The following KCNC4 variants were observed in gnomAD, a reference collection of about 807,000 sequenced individuals.
The protein encoded by KCNC4 is voltage-gated potassium channel KCNC4.
KCNC4 carries 23 observed loss-of-function variants against 42.8 expected under a neutral mutation model. The observed-to-expected ratio is 0.54, with a 90% CI of 0.39 to 0.76. The LOEUF (loss-of-function observed/expected upper bound fraction) is 0.76, where lower values mean the gene tolerates loss of function less well. KCNC4 is among the 30% of genes least tolerant of loss of function. The pLI, the probability that KCNC4 is intolerant of heterozygous loss-of-function variation, is 0.00. For synonymous variants in KCNC4, 422 were observed against 393.5 expected, an observed-to-expected ratio of 1.07 and a Z score of -0.86; for missense variants, 751 against 898.2, an observed-to-expected ratio of 0.84 and a Z score of 2.10.
rs1055410436 is a variant in KCNC4 at position 110,281,228 on chromosome 1, G to T, written n.31-1306G>T. 7.2e-5 allele frequency among the ~76,000 whole-genome samples: 11 copies of T among 152,132 alleles called. No individual in the cohort carries two copies. In the East Asian group the frequency reaches 1.9e-3, roughly 27 times the overall value. The stretch of plus-strand genomic sequence containing the variant: ...GGGAAGGGGGACTGAGAGGAGGGTG[G>T]TTTGCTGTGGGTTTCTCCTCCCAGA... On this transcript the variant is annotated intron_variant and non_coding_transcript_variant, in intron 1 of 2. Transcript: ENST00000412512.
rs2101024456 is a variant in KCNC4, at chr1:110,226,140, C to T, written c.1781C>T (p.Thr594Ile). The T allele has an allele frequency of 2.5e-6, 4 of 1,614,160 alleles. No individual in the cohort carries two copies. Among genetic ancestry groups the T allele is most frequent in the Middle Eastern group, 3.3e-4 (2 of 6,062 alleles). Residue 594 changes from threonine (T) to isoleucine (I), a missense_variant, in exon 3 of 4, where the codon ACT (threonine) becomes ATT (isoleucine). Around this residue, in one of 4 missense-constraint regions of KCNC4, gnomAD observed 202 missense variants for 181.5 expected, o/e 1.11. Coordinates refer to ENST00000438661, the MANE Select transcript of KCNC4 (RefSeq NM_001039574.3). ...GCAGCTGCCTGCTTCCTGCTCAGCACTGGGGACTATGCCTGCGCCGATGGT... is the reference window on the plus strand; with the variant it reads ...GCAGCTGCCTGCTTCCTGCTCAGCATTGGGGACTATGCCTGCGCCGATGGT... ...KKAAACFLLS[T>I]GDYACADGSV...
At chr1:110,274,771 C>T (rs4568835) in intron 1 of KCNC4, among the ~76,000 whole-genome samples, 1 of 151,990 alleles carries the variant, frequency 6.6e-6, no homozygotes, top group Non-Finnish European at 1.5e-5. Flanking sequence ...GGAAAGGATA[C>T]CCTTTTCAAT....
Position 110,211,946 on chromosome 1 carries a change from G to C in KCNC4, c.447G>C (p.Arg149=). The C allele has an allele frequency of 6.2e-7, 1 of 1,611,344 alleles. No homozygotes were observed. The highest frequency in any genetic ancestry group is 8.5e-7 in the Non-Finnish European group (1 of 1,179,746). Residue 149 remains arginine (R), a synonymous_variant, in exon 1 of 4, where the codon CGG becomes CGC. Coordinates refer to ENST00000438661, the MANE Select transcript of KCNC4 (RefSeq NM_001039574.3). This position sits in a 1 kb window ranked among gnomAD's most constrained non-coding sequence, Gnocchi z 6.5. ...AACCCTGCTGCTGGATGACCTACCG[G>C]CAGCACCGCGACGCCGAGGAGGCGC... ...DVEPCCWMTY[R]QHRDAEEALD...
At chr1:110,235,955 A>G (rs1192043803), downstream of KCNC4, 2 of 152,122 alleles carry the variant, frequency 1.3e-5, no homozygotes, top group East Asian at 1.9e-4. Context: ...TGTCTCTCTC[A>G]TTGAGCCATG....
At chr1:110,218,684 C>T (rs1432412689) in intron 1 of KCNC4, among the ~76,000 whole-genome samples, 1 of 152,122 alleles carries the variant, frequency 6.6e-6, no homozygotes, top group Non-Finnish European at 1.5e-5. Context: ...GACCTTAAGG[C>T]TTGGAGAGGT....
At chr1:110,266,427 G>A (rs1443205765) in intron 1 of KCNC4, among the ~76,000 whole-genome samples, 1 of 152,178 alleles carries the variant, frequency 6.6e-6, no homozygotes, top group African/African-American at 2.4e-5. Flanking sequence ...TTTCTGCAAG[G>A]TTTTTGGAAG....
intron 3 of KCNC4, among the ~76,000 whole-genome samples, chr1:110,231,666 G>A (rs756312515): frequency 1.1e-4 from 16 of 152,102 alleles, no homozygotes; most frequent in African/African-American, 3.1e-4. Flanking sequence ...CTTAAGTTAC[G>A]CAGACAGGAG....
intron 3 of KCNC4, chr1:110,232,536 G>A (rs535475013): frequency 3.5e-6 from 5 of 1,434,672 alleles, no homozygotes; most frequent in Non-Finnish European, 4.5e-6. Context: ...TTTCTCCACT[G>A]CACTGGAGCT....
Position 110,223,074 on chromosome 1 carries a change from A to G in KCNC4, c.789A>G (p.Val263=), listed in dbSNP as rs907811979. 6 of 1,614,084 alleles carry G rather than the reference A, an allele frequency of 3.7e-6. No individual in the cohort carries two copies. Among genetic ancestry groups the G allele is most frequent in the African/African-American group, 1.3e-5 (1 of 74,930 alleles). ...GCAACGTGACAGAGATCCTCCGCGTAGGGAACATCACCAGCGTGCACTTCC... is the reference window on the plus strand; with the variant it reads ...GCAACGTGACAGAGATCCTCCGCGTGGGGAACATCACCAGCGTGCACTTCC... ...IDRNVTEILR[V]GNITSVHFRR... Residue 263 remains valine, a synonymous_variant, in exon 2 of 4, where the codon GTA becomes GTG. Transcript: ENST00000438661. The surrounding 1 kb of genome is among the most constrained non-coding windows in gnomAD (Gnocchi z 7.5).
exon 3 of KCNC4, chr1:110,283,043 T>C (rs1369945056): frequency 1.3e-5 from 2 of 152,320 alleles, no homozygotes; most frequent in Admixed American, 6.5e-5. Context: ...CTGCTTGGCT[T>C]CTGTGTGGGC....
rs773592615 is a variant in KCNC4, at chr1:110,212,054, C to T, written c.555C>T (p.Ala185=). The change falls in exon 1 of 4, where the codon GCC becomes GCT. Residue 185 remains alanine (A), a synonymous_variant. Transcript: ENST00000438661. The part of the protein sequence containing the change: ...DEAGDDEREL[A]LQRLGPHEGG... Reference sequence around the variant, plus strand: ...CCGGCGACGATGAGCGGGAGCTGGCCCTGCAGCGACTGGGCCCCCACGAGG... The same window carrying T: ...CCGGCGACGATGAGCGGGAGCTGGCTCTGCAGCGACTGGGCCCCCACGAGG... 1.9e-6 allele frequency: 3 copies of T among 1,565,868 alleles called. No homozygotes were observed. Among genetic ancestry groups the T allele is most frequent in the African/African-American group, 2.7e-5 (2 of 72,938 alleles).
Position 110,222,825 on chromosome 1 carries a change from G to C in KCNC4, c.679-139G>C. 1.1e-5 allele frequency: 7 copies of C among 634,260 alleles called. No homozygotes were observed. In the South Asian group the frequency reaches 1.3e-4, roughly 12 times the overall value. 39.3% of individuals were successfully genotyped at this position (634,260 alleles called of 1,614,324 possible). The stretch of plus-strand genomic sequence containing the variant: ...AAGACCCTCTGAGGAGGGACTTCCA[G>C]CCCTGACTCCATACGTTAATCCCAC... On this transcript the variant is annotated intron_variant, in intron 1 of 3. Transcript: ENST00000438661.
intron 1 of KCNC4, among the ~76,000 whole-genome samples, chr1:110,266,674 G>A (rs1317786984): frequency 6.6e-6 from 1 of 152,202 alleles, no homozygotes; most frequent in Non-Finnish European, 1.5e-5. Context: ...TCCAGCCTCT[G>A]CTCCTAGCTA....
chr1:110,221,580 A>G (rs576570593), intron 1 of KCNC4: 2 of 152,298 alleles, frequency 1.3e-5, no homozygotes, highest in South Asian at 4.1e-4. Context: ...AGAACAAGGT[A>G]TGCCCTCCCC....
chr1:110,279,169 T>A (rs1659778985), intron 1 of KCNC4, among the ~76,000 whole-genome samples: 1 of 152,186 alleles, frequency 6.6e-6, no homozygotes, highest in Non-Finnish European at 1.5e-5. Flanking sequence ...CCTGCACCCA[T>A]GGCAGACATC....
Position 110,211,904 on chromosome 1 carries a change from C to T in KCNC4, c.405C>T (p.Ile135=). The T allele has an allele frequency of 6.2e-7, 1 of 1,611,622 alleles. No homozygotes were observed. Among genetic ancestry groups the T allele is most frequent in the Non-Finnish European group, 8.5e-7 (1 of 1,179,798 alleles). Residue 135 remains isoleucine (I), a synonymous_variant, in exon 1 of 4, where the codon ATC becomes ATT. Coordinates refer to ENST00000438661, the MANE Select transcript of KCNC4 (RefSeq NM_001039574.3). The surrounding 1 kb of genome is among the most constrained non-coding windows in gnomAD (Gnocchi z 6.5). ...AAGAGGAGCTCACCTTCTGGGGCATCGACGAGACCGACGTGGAACCCTGCT... is the reference window on the plus strand; with the variant it reads ...AAGAGGAGCTCACCTTCTGGGGCATTGACGAGACCGACGTGGAACCCTGCT... ...LFEEELTFWG[I]DETDVEPCCW... is the part of the protein sequence containing the mutation.
chr1:110,255,346 C>A (rs1659312462), intron 1 of KCNC4, among the ~76,000 whole-genome samples: 1 of 152,184 alleles, frequency 6.6e-6, no homozygotes, highest in East Asian at 1.9e-4. Context: ...GTCTTCTCTC[C>A]AGCTCACCCC....
chr1:110,265,426 C>T (rs976939354), intron 1 of KCNC4, among the ~76,000 whole-genome samples: 1 of 149,958 alleles, frequency 6.7e-6, no homozygotes, highest in Non-Finnish European at 1.5e-5. Context: ...ATAAAATATT[C>T]CCCACCCAGA....
chr1:110,269,396 T>C (rs1659602888), intron 1 of KCNC4, among the ~76,000 whole-genome samples: 1 of 152,170 alleles, frequency 6.6e-6, no homozygotes, highest in Admixed American at 6.5e-5. Context: ...TTCTCCCCTC[T>C]GGTTTCGCCT....
Sources: allele counts gnomAD v4.1 joint callset (sites outside exome capture counted in the v4.1 genomes callset), GRCh38; gene constraint gnomAD v4.1.1; regional missense constraint gnomAD v4.1.1; non-coding constraint Gnocchi (gnomAD v3.1); transcripts MANE v1.5; gene names NCBI Gene and HGNC (gene_info 2026-07-23, HGNC 2026-07-21).